Variants in TBX19 observed in about 807,000 individuals in gnomAD.
TBX19 encodes T-box transcription factor 19, also known as T-box transcription factor TBX19.
Under a neutral mutation model 40.9 loss-of-function variants are expected in TBX19, and 33 were observed. The observed-to-expected ratio is 0.81, with a 90% confidence interval of 0.61 to 1.08. The LOEUF (loss-of-function observed/expected upper bound fraction) is 1.08, where lower values mean the gene tolerates loss of function less well. Ranked by LOEUF, TBX19 falls within the 50% of genes least tolerant of loss-of-function variation. The pLI, the probability that TBX19 is intolerant of heterozygous loss-of-function variation, is 0.00. For synonymous variants in TBX19, 220 were observed against 225.0 expected (o/e 0.98, Z 0.20); for missense variants, 494 against 574.0 (o/e 0.86, Z 1.42).
intron 6 of TBX19, chr1:168,308,514 A>G: frequency 1.8e-6 from 1 of 556,856 alleles, no homozygotes; most frequent in Non-Finnish European, 3.2e-6. Flanking sequence ...AGATGGAGTT[A>G]AGGAGTCACT....
rs200273824 is a variant in TBX19 at position 168,305,406 on chromosome 1, T to A, written c.916+210T>A. Among the ~76,000 whole-genome samples the A allele has an allele frequency of 3.0e-3, 383 of 125,748 alleles. 1 individual carries two copies. The highest frequency in any genetic ancestry group is 0.011 in the African/African-American group (355 of 33,228). 82.5% of individuals were successfully genotyped at this position (125,748 alleles called of 152,430 possible). A position where few individuals can be genotyped will look rare whatever the true frequency, so the allele number is the denominator to read the frequency against. On this transcript the variant is annotated intron_variant, in intron 6 of 7. Coordinates refer to ENST00000367821, the MANE Select transcript of TBX19 (RefSeq NM_005149.3). ...TAGGTATAACAATCTTAGTTTTTTT[T>A]AAAAAAATTATTTCATAAAACCCCC...
intron 7 of TBX19, among the ~76,000 whole-genome samples, chr1:168,309,945 A>G (rs1449242530): frequency 6.6e-6 from 1 of 152,224 alleles, no homozygotes; most frequent in Non-Finnish European, 1.5e-5. Context: ...TGTAAATGTC[A>G]GCTATTATGT....
chr1:168,308,599 C>T, intron 6 of TBX19, 143 bp from the exon 7 acceptor site: 1 of 1,059,682 alleles, frequency 9.4e-7, no homozygotes. Flanking sequence ...TTTTTATTTT[C>T]TATTTCCCTG....
chr1:168,293,189 G>A lies in TBX19; in HGVS notation c.514G>A (p.Val172Met). 1 of 1,613,972 alleles carries A rather than the reference G, an allele frequency of 6.2e-7. No individual in the cohort carries two copies. The change falls in exon 3 of 8, where the codon GTG (valine) becomes ATG (methionine). Residue 172 changes from valine to methionine, a missense_variant. By Grantham distance (21) the Val-to-Met change is conservative (BLOSUM62 1). Around this residue, in one of 3 missense-constraint regions of TBX19, gnomAD observed 201 missense variants for 235.2 expected, o/e 0.85. Coordinates refer to ENST00000367821, the MANE Select transcript of TBX19 (RefSeq NM_005149.3). ...LHKYEPQVHI[V>M]RVGSAHRMVT... ...TAAATATGAACCCCAGGTTCACATA[G>A]TGCGTGTTGGAAGTGCCCATCGAAT...
At chr1:168,298,183 G>T (rs1386153631) in intron 4 of TBX19, among the ~76,000 whole-genome samples, 2 of 152,100 alleles carry the variant, frequency 1.3e-5, no homozygotes, top group African/African-American at 4.8e-5. Context: ...GCGACAGAGC[G>T]AGACTCCGTC....
At chr1:168,289,824 A>T (rs527496040) in intron 1 of TBX19, among the ~76,000 whole-genome samples, 5 of 152,284 alleles carry the variant, frequency 3.3e-5, no homozygotes, top group Admixed American at 3.3e-4. Context: ...TTGGAATCAC[A>T]AAGGACATCA....
rs921971741 is a variant in TBX19, at chr1:168,313,247, C to T, written c.*245C>T. The T allele has an allele frequency of 5.1e-6, 3 of 584,366 alleles. No individual in the cohort carries two copies. Among genetic ancestry groups the T allele is most frequent in the Admixed American group, 6.0e-5 (2 of 33,500 alleles). The allele number at this position is 584,366 out of a possible 1,614,324, so 36.2% of individuals were successfully genotyped here. On this transcript the variant is annotated 3_prime_UTR_variant, in exon 8 of 8. Coordinates refer to ENST00000367821, the MANE Select transcript of TBX19 (RefSeq NM_005149.3). ...TTCTCTGCAGCTTATTCTTGCCATG[C>T]TTAGGTGACAGAAGTTTGTTAAGTA... is the stretch of plus-strand genomic sequence containing the variant.
At chr1:168,303,944 C>T (rs1024819229) in intron 5 of TBX19, among the ~76,000 whole-genome samples, 5 of 152,206 alleles carry the variant, frequency 3.3e-5, no homozygotes, top group African/African-American at 9.6e-5. Context: ...TGGGTTTTGG[C>T]CGGCTTATTT....
At position 168,293,290 on chromosome 1, in the gene TBX19, TGTGTGTGTG is replaced by T. The variant is rs755490507; in HGVS notation, c.603+13_603+21del. 6.6e-5 allele frequency: 95 copies of T among 1,449,924 alleles called. No homozygotes were observed. In the African/African-American group the frequency reaches 7.6e-4, roughly 12 times the overall value. The allele number at this position is 1,449,924 out of a possible 1,614,324, so 89.8% of individuals were successfully genotyped here. On this transcript the variant is annotated intron_variant, in intron 3 of 7. Coordinates refer to ENST00000367821, the MANE Select transcript of TBX19 (RefSeq NM_005149.3). ...ATCAGAATGAGGAGGTAAGAGTGTG[TGTGTGTGTG>T]TGTGTGTGTGTGTGTGTGTGTGTGT...
At chr1:168,304,220 T>C (rs1024621106) in intron 5 of TBX19, among the ~76,000 whole-genome samples, 1 of 152,204 alleles carries the variant, frequency 6.6e-6, no homozygotes, top group Non-Finnish European at 1.5e-5. Flanking sequence ...ATCAATCTCT[T>C]CAAAAACTTG....
At chr1:168,306,837 G>A (rs1534890) in intron 6 of TBX19, among the ~76,000 whole-genome samples, 89,232 of 151,966 alleles carry the variant, frequency 0.59, 27,391 homozygotes, top group Non-Finnish European at 0.7. Flanking sequence ...TTGAGAAACA[G>A]TCTATAAAAC....
rs770075853 is a variant in TBX19 at position 168,312,871 on chromosome 1, G to A, written c.1216G>A (p.Glu406Lys). 6.2e-7 allele frequency: 1 copy of A among 1,614,254 alleles called. No homozygotes were observed. Residue 406 changes from glutamate (E) to lysine (K), a missense_variant, in exon 8 of 8, where the codon GAG becomes AAG. Glu to Lys is a moderately conservative substitution (Grantham distance 56). Around this residue, in one of 3 missense-constraint regions of TBX19, gnomAD observed 284 missense variants for 307.3 expected, o/e 0.92. Transcript: ENST00000367821. ...CCAAGCACCCACTTCGGCTGGTGTG[G>A]AGGTTCTGGGGGAGCCCTCGCTAAC... Reference protein sequence around the residue: ...STQAPTSAGVEVLGEPSLTSI... With the variant: ...STQAPTSAGVKVLGEPSLTSI...
chr1:168,300,571 C>A, intron 5 of TBX19, 88 bp downstream of exon 5: 1 of 1,241,222 alleles, frequency 8.1e-7, no homozygotes, highest in Non-Finnish European at 1.2e-6. Flanking sequence ...CCTGTCAGGA[C>A]TGCTTAAGGA....
intron 1 of TBX19, among the ~76,000 whole-genome samples, chr1:168,281,581 A>T (rs1648651324): frequency 6.6e-6 from 1 of 152,270 alleles, no homozygotes; most frequent in Non-Finnish European, 1.5e-5. Context: ...AAATGGACTT[A>T]AATGTCAGAA....
At chr1:168,286,475 T>C (rs1173639479) in intron 1 of TBX19, among the ~76,000 whole-genome samples, 1 of 152,272 alleles carries the variant, frequency 6.6e-6, no homozygotes, top group African/African-American at 2.4e-5. Flanking sequence ...ATCCTGGGAA[T>C]CATACAATAT....
intron 3 of TBX19, among the ~76,000 whole-genome samples, chr1:168,295,171 A>G (rs1423163926): frequency 6.6e-6 from 1 of 151,900 alleles, no homozygotes; most frequent in Non-Finnish European, 1.5e-5. Context: ...GGTGCCTGTA[A>G]TCCCAGCTAC....
At chr1:168,298,824 T>TCCCCCC (rs1558192751) in intron 4 of TBX19, among the ~76,000 whole-genome samples, 1 of 13,344 alleles carries the variant, frequency 7.5e-5, no homozygotes, top group East Asian at 4.5e-3. Context: ...CCTCCCTTCC[T>TCCCCCC]TTCTTTCTTT....
chr1:168,281,115 CGGAAGCCCAGCG>C lies in TBX19; in HGVS notation c.26_37del (p.Arg9_Asp13delinsHis), dbSNP rs1284142538. 1.9e-6 allele frequency: 3 copies of C among 1,614,038 alleles called. No individual in the cohort carries two copies. The Admixed American group carries it at 5.0e-5, about 27-fold the overall frequency. ...TATGGCCATGAGTGAGCTGGGCACT[CGGAAGCCCAGCG>C]ATGGCACTGTTTCTCATCTGCTCAA... On this transcript the variant is annotated inframe_deletion, in exon 1 of 8. Coordinates refer to ENST00000367821, the MANE Select transcript of TBX19 (RefSeq NM_005149.3).
At chr1:168,300,386 T>A (rs1487338895) in intron 4 of TBX19, 36 bp from the exon 5 acceptor site, 1 of 1,608,326 alleles carries the variant, frequency 6.2e-7, no homozygotes, top group Non-Finnish European at 8.5e-7. Context: ...ACATAAAAAG[T>A]TGGACAGCCA....
Sources: allele counts gnomAD v4.1 joint callset (sites outside exome capture counted in the v4.1 genomes callset), GRCh38; gene constraint gnomAD v4.1.1; regional missense constraint gnomAD v4.1.1; transcripts MANE v1.5; gene names NCBI Gene and HGNC (gene_info 2026-07-23, HGNC 2026-07-21).